The following NRP2 variants were observed in gnomAD, a reference collection of about 807,000 sequenced individuals.
NRP2 encodes the protein neuropilin 2.
NRP2 carries 52 observed loss-of-function variants against 110.4 expected under a neutral mutation model. The observed-to-expected ratio is 0.47, with a 90% CI of 0.38 to 0.59. The LOEUF is 0.59. NRP2 is among the 20% of genes least tolerant of loss of function. NRP2 has a pLI of 0.00. For synonymous variants in NRP2, 508 were observed against 468.9 expected, an observed-to-expected ratio of 1.08 and a Z score of -1.08; for missense variants, 1,049 against 1,203.0, an observed-to-expected ratio of 0.87 and a Z score of 1.89.
chr2:205,789,832 G>T (rs1438596517), intron 15 of NRP2, among the ~76,000 whole-genome samples: 1 of 152,256 alleles, frequency 6.6e-6, no homozygotes, highest in East Asian at 1.9e-4. Context: ...GAAAAGGAAA[G>T]TGGCTGGTAA....
chr2:205,773,481 A>G (rs1420920288), intron 15 of NRP2, among the ~76,000 whole-genome samples: 1 of 152,226 alleles, frequency 6.6e-6, no homozygotes, highest in African/African-American at 2.4e-5. Context: ...AGTTTTCTAC[A>G]TGTTGATAAT....
chr2:205,732,868 A>G (rs1438521635), intron 7 of NRP2, among the ~76,000 whole-genome samples: 2 of 151,826 alleles, frequency 1.3e-5, no homozygotes, highest in African/African-American at 4.9e-5. Context: ...GTTTTCAGGA[A>G]AAACCTTTTT....
intron 15 of NRP2, among the ~76,000 whole-genome samples, chr2:205,786,114 A>G (rs2058233375): frequency 6.6e-6 from 1 of 152,204 alleles, no homozygotes; most frequent in Non-Finnish European, 1.5e-5. Flanking sequence ...AGTTTAGATC[A>G]ACACCTGAAT....
At chr2:205,747,923 G>C (rs1051598196) in intron 10 of NRP2, among the ~76,000 whole-genome samples, 2 of 152,130 alleles carry the variant, frequency 1.3e-5, no homozygotes, top group Non-Finnish European at 2.9e-5. Context: ...GATCAGAGTT[G>C]AGGAGCGTTC....
rs1046704392 is a variant in NRP2, at chr2:205,796,841, T to C, written c.*1783T>C. ...AGTATGCCCAGCCTATTGCATATCA[T>C]TGTCAGACCATTTTTGCTGCTGTGG... On this transcript the variant is annotated 3_prime_UTR_variant, in exon 17 of 17. Transcript: ENST00000357785. The C allele has an allele frequency of 3.9e-5, 6 of 152,784 alleles. No homozygotes were observed. The highest frequency in any genetic ancestry group is 2.6e-4 in the Admixed American group (4 of 15,300). 9.5% of individuals were successfully genotyped at this position (152,784 alleles called of 1,614,324 possible).
intron 2 of NRP2, among the ~76,000 whole-genome samples, chr2:205,709,009 C>T (rs1442766976): frequency 1.3e-5 from 2 of 152,192 alleles, no homozygotes; most frequent in East Asian, 3.9e-4. Flanking sequence ...ATTCATGGAG[C>T]ATGTACTGTG....
intron 1 of NRP2, 74 bp from the exon 2 acceptor site, chr2:205,697,470 G>C (rs985422119): frequency 7.5e-7 from 1 of 1,328,200 alleles, no homozygotes; most frequent in African/African-American, 1.4e-5. Flanking sequence ...TGGTACAGAA[G>C]AGAAGGAGGG....
chr2:205,751,630 G>T (rs1324101764), intron 11 of NRP2, among the ~76,000 whole-genome samples: 1 of 152,120 alleles, frequency 6.6e-6, no homozygotes, highest in African/African-American at 2.4e-5. Context: ...GGGCCTGGTG[G>T]CAATCTTCCT....
chr2:205,776,645 G>C, intron 15 of NRP2: 1 of 1,576,468 alleles, frequency 6.3e-7, no homozygotes, highest in African/African-American at 1.3e-5. Context: ...TCTCTTTCCC[G>C]GATCCCCAAC....
At chr2:205,745,431 C>T (rs536184719) in intron 9 of NRP2, among the ~76,000 whole-genome samples, 196 of 152,292 alleles carry the variant, frequency 1.3e-3, no homozygotes, top group African/African-American at 4.3e-3. Flanking sequence ...CAGCTGAAAA[C>T]GCAGTTGGAG....
At chr2:205,716,457 G>A (rs2056898082) in intron 3 of NRP2, 83 bp downstream of exon 3, 3 of 1,433,048 alleles carry the variant, frequency 2.1e-6, no homozygotes, top group African/African-American at 1.4e-5. Context: ...TGAGGCACTG[G>A]GTAAGGGTGA....
At chr2:205,776,800 A>G in intron 15 of NRP2, 3 of 1,345,530 alleles carry the variant, frequency 2.2e-6, no homozygotes, top group Non-Finnish European at 2.9e-6. Flanking sequence ...ACCCCCAAGC[A>G]CTCCACAACT....
intron 1 of NRP2, among the ~76,000 whole-genome samples, chr2:205,695,082 G>T (rs2056395389): frequency 6.6e-6 from 1 of 152,166 alleles, no homozygotes; most frequent in Non-Finnish European, 1.5e-5. Context: ...AGCCAAACAA[G>T]AATGTGAATT....
chr2:205,784,757 T>G (rs1161449472), intron 15 of NRP2, among the ~76,000 whole-genome samples: 1 of 152,222 alleles, frequency 6.6e-6, no homozygotes, highest in Non-Finnish European at 1.5e-5. Context: ...CACCTTCCCC[T>G]TCTCTTGCTG....
rs181015465 is a variant in NRP2, at chr2:205,706,672, G to A, written c.251+8951G>A. On this transcript the variant is annotated intron_variant, in intron 2 of 16. Transcript: ENST00000357785. ...AGGAGGGTAAGAAACTATTATTTTG[G>A]GGGGTCATCTGCTGGGAAACTGAGG... is the stretch of plus-strand genomic sequence containing the variant. 8.9e-4 allele frequency among the ~76,000 whole-genome samples: 135 copies of A among 152,206 alleles called. 1 individual carries two copies. The highest frequency in any genetic ancestry group is 3.0e-3 in the African/African-American group (126 of 41,514).
intron 2 of NRP2, among the ~76,000 whole-genome samples, chr2:205,715,403 G>A (rs1407731303): frequency 6.6e-6 from 1 of 152,194 alleles, no homozygotes; most frequent in Non-Finnish European, 1.5e-5. Context: ...CTCTCACTGA[G>A]GCTAATAGTT....
At chr2:205,722,172 T>TACACACACACAC (rs10646445) in intron 3 of NRP2, 8 of 280,194 alleles carry the variant, frequency 2.9e-5, no homozygotes, top group African/African-American at 5.4e-5. Flanking sequence ...CTCTCTCTCA[T>TACACACACACAC]ACACACACAC....
At chr2:205,753,284 T>C (rs2057681648) in intron 12 of NRP2, among the ~76,000 whole-genome samples, 1 of 152,182 alleles carries the variant, frequency 6.6e-6, no homozygotes, top group Non-Finnish European at 1.5e-5. Flanking sequence ...CACGAGTCAG[T>C]GTCCTCTTGT....
intron 12 of NRP2, among the ~76,000 whole-genome samples, chr2:205,755,491 T>C (rs2057717761): frequency 6.6e-6 from 1 of 152,160 alleles, no homozygotes; most frequent in Non-Finnish European, 1.5e-5. Context: ...GATGACTTTA[T>C]GAACCGTTCT....
Sources: gnomAD v4.1 joint callset for allele counts (sites outside exome capture counted in the v4.1 genomes callset) on GRCh38, gnomAD v4.1.1 for gene constraint, MANE v1.5 for transcripts, NCBI Gene and HGNC (gene_info 2026-07-23, HGNC 2026-07-21) for gene names.